Variants in GZMA observed in about 807,000 individuals in gnomAD.
The protein encoded by GZMA is granzyme A.
A neutral mutation model predicts 21.1 loss-of-function variants in GZMA; 17 were observed. That is an observed-to-expected ratio of 0.81 (90% CI 0.55 to 1.21). The LOEUF (loss-of-function observed/expected upper bound fraction) is 1.21. GZMA is among the 50% of genes most tolerant of loss of function. The probability of loss-of-function intolerance (pLI) is 0.00; values close to 1 mark genes in which losing one functional copy is unlikely to be tolerated. For synonymous variants in GZMA, 90 were observed against 107.8 expected, an observed-to-expected ratio of 0.83 and a Z score of 1.03; for missense variants, 306 against 315.9, an observed-to-expected ratio of 0.97 and a Z score of 0.24.
At position 55,103,628 on chromosome 5, in the gene GZMA, C is replaced by T. The variant is rs753038571; in HGVS notation, c.70+876C>T. Among the ~76,000 whole-genome samples, 11 of 152,264 alleles carry T rather than the reference C, an allele frequency of 7.2e-5. No individual in the cohort carries two copies. In the East Asian group the frequency reaches 1.2e-3, roughly 16 times the overall value. On this transcript the variant is annotated intron_variant, in intron 1 of 4. Transcript: ENST00000274306. ...AGCTGTGGCAATATGGAGCCAGCCA[C>T]GGTTTTTCCCAGGATTCATCAGCTT...
chr5:55,103,497 G>C (rs1441507964), intron 1 of GZMA, among the ~76,000 whole-genome samples: 1 of 152,134 alleles, frequency 6.6e-6, no homozygotes, highest in Non-Finnish European at 1.5e-5. Context: ...GCATGCATGG[G>C]TTAAAATGCT....
chr5:55,105,365 C>A, intron 1 of GZMA, 109 bp from the exon 2 acceptor site: 1 of 874,192 alleles, frequency 1.1e-6, no homozygotes, highest in Non-Finnish European at 1.8e-6. Flanking sequence ...TGCTCTCATC[C>A]AGACTTCCTC....
At chr5:55,106,998 A>G (rs1212937868) in intron 2 of GZMA, among the ~76,000 whole-genome samples, 1 of 152,032 alleles carries the variant, frequency 6.6e-6, no homozygotes, top group Non-Finnish European at 1.5e-5. Flanking sequence ...TTTTTCTTTT[A>G]TTTTTTAATT....
At position 55,105,519 on chromosome 5, in the gene GZMA, C is replaced by T. The variant is rs748386812; in HGVS notation, c.116C>T (p.Ser39Leu). The T allele has an allele frequency of 5.6e-5, 91 of 1,611,110 alleles. No homozygotes were observed. In the South Asian group the frequency reaches 9.8e-4, roughly 17 times the overall value. The change falls in exon 2 of 5, where the codon TCA becomes TTA. Residue 39 changes from serine (S) to leucine (L), a missense_variant. Physicochemically the swap from Ser to Leu is moderately radical, Grantham distance 145 (BLOSUM62 -2). Coordinates refer to ENST00000274306, the MANE Select transcript of GZMA (RefSeq NM_006144.4). The part of the protein sequence containing the change: ...IIGGNEVTPH[S>L]RPYMVLLSLD... ...GGAGGAAATGAAGTAACTCCTCATT[C>T]AAGACCCTACATGGTCCTACTTAGT... is the stretch of plus-strand genomic sequence containing the variant.
chr5:55,109,935 T>C (rs1448181632), intron 4 of GZMA, 86 bp from the exon 5 acceptor site: 5 of 959,658 alleles, frequency 5.2e-6, no homozygotes, highest in Non-Finnish European at 7.3e-6. Context: ...CTTAACTGCA[T>C]ATTAAATGCT....
intron 2 of GZMA, 71 bp downstream of exon 2, chr5:55,105,689 T>A: frequency 7.3e-7 from 1 of 1,378,598 alleles, no homozygotes; most frequent in Non-Finnish European, 1.0e-6. Context: ...ATAAAAAGAG[T>A]AGGCCGGGCA....
intron 1 of GZMA, among the ~76,000 whole-genome samples, chr5:55,103,309 A>C (rs1742334629): frequency 6.6e-6 from 1 of 152,228 alleles, no homozygotes; most frequent in Non-Finnish European, 1.5e-5. Context: ...ACCAAAAGTG[A>C]ATCAGGAATT....
At chr5:55,108,098 T>C in intron 3 of GZMA, 27 bp from the exon 4 acceptor site, 1 of 1,537,394 alleles carries the variant, frequency 6.5e-7, no homozygotes, top group Non-Finnish European at 9.0e-7. Context: ...CTTATCCCAT[T>C]AACACTTTAT....
At chr5:55,105,168 G>A (rs2111752307) in intron 1 of GZMA, among the ~76,000 whole-genome samples, 1 of 152,280 alleles carries the variant, frequency 6.6e-6, no homozygotes, top group Middle Eastern at 3.4e-3. Flanking sequence ...AACTGTTGAT[G>A]GTAAAGACCA....
chr5:55,108,824 A>G (rs1228537881), intron 4 of GZMA, among the ~76,000 whole-genome samples: 1 of 152,122 alleles, frequency 6.6e-6, no homozygotes, highest in African/African-American at 2.4e-5. Flanking sequence ...TAACATCGGC[A>G]TGTCTGAAAT....
At chr5:55,103,097 A>C (rs769412987) in intron 1 of GZMA, among the ~76,000 whole-genome samples, 3 of 152,166 alleles carry the variant, frequency 2.0e-5, no homozygotes, top group Non-Finnish European at 2.9e-5. Flanking sequence ...AAAAGATAGC[A>C]GAACCACCAA....
chr5:55,110,056 T>C lies in GZMA; in HGVS notation c.663T>C (p.Val221=). ...DSGSPLLCEG[V]FRGVTSFGLE... Reference sequence around the variant, plus strand: ...GAAGCCCTTTGTTGTGCGAGGGTGTTTTCCGAGGGGTCACTTCCTTTGGCC... The same window carrying C: ...GAAGCCCTTTGTTGTGCGAGGGTGTCTTCCGAGGGGTCACTTCCTTTGGCC... Residue 221 remains valine (V), a synonymous_variant, in exon 5 of 5, where the codon GTT becomes GTC. Coordinates refer to ENST00000274306, the MANE Select transcript of GZMA (RefSeq NM_006144.4). 6.2e-7 allele frequency: 1 copy of C among 1,612,374 alleles called. No individual in the cohort carries two copies. Among genetic ancestry groups the C allele is most frequent in the Non-Finnish European group, 8.5e-7 (1 of 1,179,296 alleles).
intron 4 of GZMA, 78 bp from the exon 5 acceptor site, chr5:55,109,943 G>A: frequency 9.4e-7 from 1 of 1,064,974 alleles, no homozygotes; most frequent in Non-Finnish European, 1.3e-6. Context: ...CATATTAAAT[G>A]CTGCAGAATT....
At position 55,110,072 on chromosome 5, in the gene GZMA, TC is replaced by T. The variant is rs1432205073; in HGVS notation, c.681del (p.Phe228LeufsTer27). On this transcript the variant is annotated frameshift_variant, in exon 5 of 5. Transcript: ENST00000274306. LOFTEE classifies it low-confidence loss of function (END_TRUNC). Reference sequence around the variant, plus strand: ...CGAGGGTGTTTTCCGAGGGGTCACTTCCTTTGGCCTTGAAAATAAATGCGGA... The same window carrying T: ...CGAGGGTGTTTTCCGAGGGGTCACTTCTTTGGCCTTGAAAATAAATGCGGA... ...LCEGVFRGVT[S>X]FGLENKCGDP... 3.7e-6 allele frequency: 6 copies of T among 1,612,580 alleles called. No individual in the cohort carries two copies. Among genetic ancestry groups the T allele is most frequent in the South Asian group, 3.3e-5 (3 of 90,854 alleles).
At chr5:55,106,447 C>T (rs1199900399) in intron 2 of GZMA, among the ~76,000 whole-genome samples, 1 of 152,154 alleles carries the variant, frequency 6.6e-6, no homozygotes, top group Admixed American at 6.5e-5. Context: ...GTTAGGCCCA[C>T]ACTTGCCACA....
chr5:55,107,843 G>T lies in GZMA; in HGVS notation c.265G>T (p.Glu89Ter), dbSNP rs139073733. The stretch of plus-strand genomic sequence containing the variant: ...TGGGGCTCACTCAATAACCAGGGAA[G>T]AGCCAACAAAACAGATAATGCTTGT... ...ILGAHSITRE[E>*]PTKQIMLVKK... The change falls in exon 3 of 5, where the codon GAG becomes TAG. Residue 89 changes from glutamate (E) to a stop codon, truncating the protein, a stop_gained. Coordinates refer to ENST00000274306, the MANE Select transcript of GZMA (RefSeq NM_006144.4). LOFTEE classifies it high-confidence loss of function. 3.1e-6 allele frequency: 5 copies of T among 1,612,774 alleles called. No homozygotes were observed. Among genetic ancestry groups the T allele is most frequent in the Non-Finnish European group, 4.2e-6 (5 of 1,178,918 alleles).
Position 55,110,171 on chromosome 5 carries a change from G to T in GZMA, c.778G>T (p.Gly260Ter), listed in dbSNP as rs201747623. The T allele has an allele frequency of 6.3e-7, 1 of 1,587,586 alleles. No individual in the cohort carries two copies. Among genetic ancestry groups the T allele is most frequent in the South Asian group, 1.2e-5 (1 of 86,456 alleles). ...HLNWIIMTIK[G>*]AV ...CAACTGGATAATTATGACTATCAAG[G>T]GAGCAGTTTAAATAACCGTTTCCTT... Residue 260 changes from glycine to a stop codon, truncating the protein, a stop_gained, in exon 5 of 5, where the codon GGA becomes TGA. Coordinates refer to ENST00000274306, the MANE Select transcript of GZMA (RefSeq NM_006144.4). LOFTEE classifies it high-confidence loss of function.
rs1421162947 is a variant in GZMA, at chr5:55,107,950, T to C, written c.357+15T>C. The C allele has an allele frequency of 1.2e-6, 2 of 1,609,422 alleles. No individual in the cohort carries two copies. The highest frequency in any genetic ancestry group is 3.3e-5 in the Admixed American group (2 of 59,808). ...AACTTTTACAGGTACGTATCTTTGA[T>C]TGTCTTCTCAAAAGTCATAGAACCT... On this transcript the variant is annotated intron_variant, in intron 3 of 4. Coordinates refer to ENST00000274306, the MANE Select transcript of GZMA (RefSeq NM_006144.4).
At chr5:55,105,325 C>T (rs561682203) in intron 1 of GZMA, 149 bp from the exon 2 acceptor site, 29 of 618,436 alleles carry the variant, frequency 4.7e-5, no homozygotes, top group South Asian at 2.1e-4. Context: ...CAGATGTCTG[C>T]GGGTCTACAT....
Sources: gnomAD v4.1 joint callset for allele counts (sites outside exome capture counted in the v4.1 genomes callset) on GRCh38, gnomAD v4.1.1 for gene constraint, MANE v1.5 for transcripts, NCBI Gene and HGNC (gene_info 2026-07-23, HGNC 2026-07-21) for gene names.